The following ADGRD1 variants were observed in gnomAD, a reference collection of about 807,000 sequenced individuals.
ADGRD1 encodes G-protein coupled receptor 133.
A neutral mutation model predicts 113.4 loss-of-function variants in ADGRD1; 77 were observed. The observed-to-expected ratio is 0.68, with a 90% confidence interval of 0.57 to 0.82. The LOEUF is 0.82. Ranked by LOEUF, ADGRD1 falls within the 40% of genes least tolerant of loss-of-function variation. The pLI is 0.00. For missense variants in ADGRD1, 1,036 were observed against 1,139.1 expected (o/e 0.91, Z 1.30); for synonymous variants, 474 against 475.0 (o/e 1.00, Z 0.03).
chr12:131,007,925 T>C (rs561089011), intron 12 of ADGRD1, among the ~76,000 whole-genome samples: 10 of 152,252 alleles, frequency 6.6e-5, no homozygotes, highest in African/African-American at 9.6e-5. Flanking sequence ...AAAGTCTCTG[T>C]ACTTGTTACA....
intron 18 of ADGRD1, among the ~76,000 whole-genome samples, chr12:131,115,906 T>G (rs963682485): frequency 3.3e-5 from 5 of 152,178 alleles, no homozygotes; most frequent in African/African-American, 1.2e-4. Context: ...TACGTTCCCA[T>G]GGTCTGAGCA....
chr12:131,017,643 GCA>G (rs1878765497), intron 13 of ADGRD1, among the ~76,000 whole-genome samples: 1 of 144,398 alleles, frequency 6.9e-6, no homozygotes, highest in Non-Finnish European at 1.5e-5. Context: ...CACACACCCA[GCA>G]CAGACACACC....
chr12:130,990,491 T>TG (rs1228184265), intron 6 of ADGRD1: 2 of 152,858 alleles, frequency 1.3e-5, no homozygotes, highest in African/African-American at 4.8e-5. Flanking sequence ...ATTAACCCCA[T>TG]GGGGGCTGAG....
chr12:130,995,783 T>C (rs1875202916), intron 8 of ADGRD1, among the ~76,000 whole-genome samples: 1 of 152,298 alleles, frequency 6.6e-6, no homozygotes, highest in South Asian at 2.1e-4. Flanking sequence ...AATTTTTTAT[T>C]GATCATTCTT....
intron 3 of ADGRD1, chr12:130,967,198 T>C (rs545304559): frequency 7.8e-5 from 29 of 370,240 alleles, no homozygotes; most frequent in South Asian, 5.5e-4. Flanking sequence ...CCCCGTTTCA[T>C]TCAGCAAACG....
intron 21 of ADGRD1, among the ~76,000 whole-genome samples, chr12:131,135,399 CTG>C (rs1304140779): frequency 6.6e-6 from 1 of 152,172 alleles, no homozygotes; most frequent in African/African-American, 2.4e-5. Flanking sequence ...CGATGGGGCT[CTG>C]TCAGTTCACA....
At chr12:130,994,827 G>A (rs900255476) in intron 8 of ADGRD1, among the ~76,000 whole-genome samples, 2 of 152,194 alleles carry the variant, frequency 1.3e-5, no homozygotes, top group East Asian at 1.9e-4. Context: ...TGGATGTGCC[G>A]GGCATTGCCC....
chr12:131,045,448 G>C (rs2066233849), intron 13 of ADGRD1, among the ~76,000 whole-genome samples: 1 of 152,168 alleles, frequency 6.6e-6, no homozygotes, highest in Non-Finnish European at 1.5e-5. Context: ...GGAGAAGAGC[G>C]GGGCAGCCTC....
intron 12 of ADGRD1, among the ~76,000 whole-genome samples, chr12:131,006,808 C>G (rs1877186084): frequency 6.6e-6 from 1 of 152,120 alleles, no homozygotes; most frequent in African/African-American, 2.4e-5. Context: ...TTGGGGAAAG[C>G]CTGCATGCTT....
intron 12 of ADGRD1, among the ~76,000 whole-genome samples, chr12:131,011,421 C>T (rs1279766027): frequency 6.6e-6 from 1 of 151,934 alleles, no homozygotes; most frequent in Admixed American, 6.6e-5. Flanking sequence ...TTATGTTTTT[C>T]CTAAGAAATG....
In ADGRD1 at chr12:131,003,264, C is replaced by A. The variant is rs142314859; in HGVS notation, c.1106C>A (p.Thr369Lys). 1 of 1,613,944 alleles carries A rather than the reference C, an allele frequency of 6.2e-7. No individual in the cohort carries two copies. The highest frequency in any genetic ancestry group is 8.5e-7 in the Non-Finnish European group (1 of 1,179,922). ...GTATCCTCCAACCTGCACGGCAGCA[C>A]GCCCCAGGTCACCGTGGAGGGCTCC... ...GHVSSNLHGS[T>K]PQVTVEGSSA... is the part of the protein sequence containing the mutation. The change falls in exon 10 of 25, where the codon ACG (threonine) becomes AAG (lysine). Residue 369 changes from threonine to lysine, a missense_variant. Thr to Lys is a moderately conservative substitution (Grantham distance 78). Coordinates refer to ENST00000261654, the MANE Select transcript of ADGRD1 (RefSeq NM_198827.5). This position sits in a 1 kb window ranked among gnomAD's most constrained non-coding sequence, Gnocchi z 4.8.
chr12:131,134,264 T>C (rs1738593492), intron 21 of ADGRD1, among the ~76,000 whole-genome samples: 1 of 152,142 alleles, frequency 6.6e-6, no homozygotes, highest in African/African-American at 2.4e-5. Flanking sequence ...AAGGGGGTCA[T>C]AGATCAGAGA....
Position 131,096,673 on chromosome 12 carries a change from A to T in ADGRD1, c.1672-8158A>T, listed in dbSNP as rs1158930050. ...CTGTGAGGATGGGTTCCCGTGGGGC[A>T]CTGCCGGTCCAGTTTTATATCCCGC... On this transcript the variant is annotated intron_variant, in intron 15 of 24. Transcript: ENST00000261654. This position sits in a 1 kb window ranked among gnomAD's most constrained non-coding sequence, Gnocchi z 5.2. Among the ~76,000 whole-genome samples, 37 of 152,028 alleles carry T rather than the reference A, an allele frequency of 2.4e-4. No homozygotes were observed.
chr12:131,139,458 G>T lies in ADGRD1; in HGVS notation c.*195G>T. 1.8e-6 allele frequency: 1 copy of T among 566,514 alleles called. No individual in the cohort carries two copies. The highest frequency in any genetic ancestry group is 3.2e-6 in the Non-Finnish European group (1 of 313,644). 35.1% of individuals were successfully genotyped at this position (566,514 alleles called of 1,614,324 possible). On this transcript the variant is annotated 3_prime_UTR_variant, in exon 25 of 25. Transcript: ENST00000261654. ...CTCAGCCCAGCAGCCTGATGCCCAG[G>T]CCAGCGTGGGCCCTCCTGCCTTGCA...
intron 13 of ADGRD1, among the ~76,000 whole-genome samples, chr12:131,061,208 C>T (rs753960823): frequency 6.6e-6 from 1 of 152,214 alleles, no homozygotes; most frequent in African/African-American, 2.4e-5. Context: ...TGTGTTCCCA[C>T]CCCCAGTGAC....
chr12:131,100,036 A>G (rs780832404), intron 15 of ADGRD1, among the ~76,000 whole-genome samples: 2 of 151,998 alleles, frequency 1.3e-5, no homozygotes, highest in Non-Finnish European at 2.9e-5. Flanking sequence ...GGTTGAGGGT[A>G]GGATTGGCTG....
intron 12 of ADGRD1, among the ~76,000 whole-genome samples, chr12:131,007,422 C>G (rs988341359): frequency 6.6e-6 from 1 of 152,252 alleles, no homozygotes; most frequent in African/African-American, 2.4e-5. Context: ...GCCAGACCCT[C>G]TATTAGATCA....
At position 130,987,331 on chromosome 12, in the gene ADGRD1, T is replaced by C; in HGVS notation, c.727T>C (p.Tyr243His). ...TCTGACTCCGGATGAGATCGCCATG[T>C]ACTTCACTGCTGCCATTGGTCAGTG... ...RALTPDEIAM[Y>H]FTAAIGKHAL... The change falls in exon 6 of 25, where the codon TAC (tyrosine) becomes CAC (histidine). Residue 243 changes from tyrosine to histidine, a missense_variant. Transcript: ENST00000261654. 1 of 1,614,198 alleles carries C rather than the reference T, an allele frequency of 6.2e-7. No homozygotes were observed. The highest frequency in any genetic ancestry group is 1.3e-5 in the African/African-American group (1 of 75,062).
chr12:131,034,278 C>A (rs111369745), intron 13 of ADGRD1, among the ~76,000 whole-genome samples: 5,039 of 152,306 alleles, frequency 0.033, 136 homozygotes, highest in Middle Eastern at 0.082. Flanking sequence ...CAAGTGCATT[C>A]CCACCCCAGG....
Sources: allele counts gnomAD v4.1 joint callset (sites outside exome capture counted in the v4.1 genomes callset), GRCh38; gene constraint gnomAD v4.1.1; non-coding constraint Gnocchi (gnomAD v3.1); transcripts MANE v1.5; gene names NCBI Gene and HGNC (gene_info 2026-07-23, HGNC 2026-07-21).